The following TRAPPC8 variants were observed in gnomAD, a reference collection of about 807,000 sequenced individuals.
The protein encoded by TRAPPC8 is trafficking protein particle complex subunit 8, also known as general sporulation gene 1 homolog.
In TRAPPC8, 54 loss-of-function variants were observed where a neutral mutation model predicts 174.3. That is an observed-to-expected ratio of 0.31 (90% CI 0.25 to 0.39). The LOEUF (loss-of-function observed/expected upper bound fraction) is 0.39, where lower values mean the gene tolerates loss of function less well. Ranked by LOEUF, TRAPPC8 falls within the 10% of genes least tolerant of loss-of-function variation. The probability of loss-of-function intolerance (pLI) is 1.00; values close to 1 mark genes in which losing one functional copy is unlikely to be tolerated. For synonymous variants in TRAPPC8, 630 were observed against 579.9 expected (o/e 1.09, Z -1.24); for missense variants, 1,531 against 1,699.1 (o/e 0.90, Z 1.74).
At chr18:31,919,581 T>C (rs1042233645) in intron 2 of TRAPPC8, among the ~76,000 whole-genome samples, 8 of 106,906 alleles carry the variant, frequency 7.5e-5, no homozygotes, top group African/African-American at 2.3e-4. Flanking sequence ...AATAAATAAA[T>C]AAATAAATAA....
intron 1 of TRAPPC8, among the ~76,000 whole-genome samples, chr18:31,932,704 G>A (rs1402647701): frequency 2.6e-5 from 4 of 152,050 alleles, no homozygotes; most frequent in Non-Finnish European, 5.9e-5. Flanking sequence ...TTACAGGGCT[G>A]GGCACAGTGG....
intron 3 of TRAPPC8, 30 bp from the exon 4 acceptor site, chr18:31,916,476 C>A (rs771728588): frequency 6.4e-7 from 1 of 1,565,836 alleles, no homozygotes; most frequent in African/African-American, 1.4e-5. Flanking sequence ...AGGTAATTAT[C>A]GCTTATTACT....
intron 21 of TRAPPC8, among the ~76,000 whole-genome samples, chr18:31,854,751 G>A (rs571673833): frequency 6.1e-4 from 92 of 151,732 alleles, no homozygotes; most frequent in African/African-American, 2.1e-3. Flanking sequence ...GGCGGATTAC[G>A]AGGTCAGGAG....
rs1034674318 is a variant in TRAPPC8, at chr18:31,942,831, A to G, written c.-67T>C. ...CCCTGCGAGGTTATCCTGCGGCTGC[A>G]GCAGCTACCGCCGCCGCCCGCCGGC... is the stretch of plus-strand genomic sequence containing the variant. On this transcript the variant is annotated 5_prime_UTR_variant, in exon 1 of 29. Coordinates refer to ENST00000283351, the MANE Select transcript of TRAPPC8 (RefSeq NM_014939.5). The G allele has an allele frequency of 3.2e-6, 4 of 1,268,594 alleles. No homozygotes were observed. The African/African-American group carries it at 6.2e-5, about 20-fold the overall frequency. 78.6% of individuals were successfully genotyped at this position (1,268,594 alleles called of 1,614,324 possible).
intron 25 of TRAPPC8, among the ~76,000 whole-genome samples, chr18:31,848,089 C>G (rs371525424): frequency 6.6e-6 from 1 of 151,954 alleles, no homozygotes; most frequent in African/African-American, 2.4e-5. Flanking sequence ...AGAACTCTAA[C>G]TAAAACAAAC....
intron 11 of TRAPPC8, among the ~76,000 whole-genome samples, chr18:31,894,711 G>A (rs1018547972): frequency 6.6e-6 from 1 of 152,082 alleles, no homozygotes; most frequent in African/African-American, 2.4e-5. Context: ...ACAAAAGATG[G>A]CTCTAAGCTT....
chr18:31,941,143 G>GT (rs1037918024), intron 1 of TRAPPC8, among the ~76,000 whole-genome samples: 5 of 152,164 alleles, frequency 3.3e-5, no homozygotes, highest in African/African-American at 4.8e-5. Flanking sequence ...AAGTGTTTGT[G>GT]TTTTTTTAGG....
chr18:31,931,941 CCTT>C (rs2037864239), intron 1 of TRAPPC8, among the ~76,000 whole-genome samples: 1 of 152,156 alleles, frequency 6.6e-6, no homozygotes, highest in African/African-American at 2.4e-5. Flanking sequence ...ACTTGGGCTT[CCTT>C]CTTCTTTCCC....
chr18:31,835,073 T>C (rs757755982), intron 27 of TRAPPC8, among the ~76,000 whole-genome samples: 11 of 152,216 alleles, frequency 7.2e-5, no homozygotes, highest in Non-Finnish European at 1.3e-4. Context: ...TTTTTCATCA[T>C]AAACTACCTT....
chr18:31,878,516 C>T (rs1236765724), intron 12 of TRAPPC8, among the ~76,000 whole-genome samples: 5 of 152,014 alleles, frequency 3.3e-5, no homozygotes, highest in South Asian at 4.2e-4. Flanking sequence ...GTTCTAAACA[C>T]GGAAACAAAA....
intron 11 of TRAPPC8, among the ~76,000 whole-genome samples, chr18:31,892,317 CAT>C (rs1415463723): frequency 6.6e-6 from 1 of 152,056 alleles, no homozygotes; most frequent in East Asian, 1.9e-4. Flanking sequence ...TAAAAATACA[CAT>C]ATATTTTGAT....
chr18:31,905,484 T>C (rs1195212472), intron 9 of TRAPPC8, among the ~76,000 whole-genome samples: 5 of 152,198 alleles, frequency 3.3e-5, no homozygotes, highest in African/African-American at 1.2e-4. Context: ...ATCAGCTTCA[T>C]GGCAGCTCCA....
chr18:31,867,515 C>T, intron 16 of TRAPPC8, 39 bp from the exon 17 acceptor site: 1 of 1,337,316 alleles, frequency 7.5e-7, no homozygotes, highest in South Asian at 1.2e-5. Context: ...TTCCAATGAA[C>T]AAAGTATCAG....
chr18:31,934,879 C>T (rs1385664750), intron 1 of TRAPPC8, among the ~76,000 whole-genome samples: 3 of 151,512 alleles, frequency 2.0e-5, no homozygotes, highest in Non-Finnish European at 4.4e-5. Flanking sequence ...TGCACTCCAG[C>T]CTGGGCAATG....
chr18:31,837,799 C>T (rs2032844536), intron 27 of TRAPPC8, among the ~76,000 whole-genome samples: 1 of 151,984 alleles, frequency 6.6e-6, no homozygotes, highest in Non-Finnish European at 1.5e-5. Flanking sequence ...TCGAAACATA[C>T]TCACATGCAA....
intron 20 of TRAPPC8, 139 bp downstream of exon 20, chr18:31,857,401 C>T: frequency 2.5e-6 from 2 of 806,870 alleles, no homozygotes; most frequent in Non-Finnish European, 1.8e-6. Flanking sequence ...CTATTTGAGA[C>T]AATTTCAGAT....
At chr18:31,933,300 C>CAAA (rs770309579) in intron 1 of TRAPPC8, among the ~76,000 whole-genome samples, 2 of 91,590 alleles carry the variant, frequency 2.2e-5, no homozygotes, top group African/African-American at 4.3e-5. Flanking sequence ...GACTCCGTCT[C>CAAA]AAAAAAAAAA....
intron 26 of TRAPPC8, among the ~76,000 whole-genome samples, 173 bp from the exon 27 acceptor site, chr18:31,839,630 T>TA (rs1167455435): frequency 2.6e-5 from 4 of 152,164 alleles, no homozygotes; most frequent in African/African-American, 4.8e-5. Flanking sequence ...TAATCTAAGA[T>TA]AAAAAAATCA....
chr18:31,937,145 C>T (rs1396540635), intron 1 of TRAPPC8, among the ~76,000 whole-genome samples: 4 of 152,014 alleles, frequency 2.6e-5, no homozygotes, highest in African/African-American at 7.2e-5. Context: ...ACCCAGGAGG[C>T]GGAGCTTGCA....
Sources: allele counts gnomAD v4.1 joint callset (sites outside exome capture counted in the v4.1 genomes callset), GRCh38; gene constraint gnomAD v4.1.1; transcripts MANE v1.5; gene names NCBI Gene and HGNC (gene_info 2026-07-23, HGNC 2026-07-21).